SMURF1: variants seen among roughly 807,000 people sequenced by gnomAD.
The protein encoded by SMURF1 is E3 ubiquitin-protein ligase SMURF1.
Under a neutral mutation model 98.0 loss-of-function variants are expected in SMURF1, and 44 were observed. That is an observed-to-expected ratio of 0.45 (90% confidence interval 0.35 to 0.58). The LOEUF (loss-of-function observed/expected upper bound fraction) is 0.58. SMURF1 is among the 20% of genes least tolerant of loss of function. The pLI, the probability that SMURF1 is intolerant of heterozygous loss-of-function variation, is 0.00. For missense variants in SMURF1, 687 were observed against 938.4 expected, an observed-to-expected ratio of 0.73 and a Z score of 3.50; for synonymous variants, 396 against 374.9, an observed-to-expected ratio of 1.06 and a Z score of -0.65.
rs1794755121 is a variant in SMURF1 at position 99,028,055 on chromosome 7, G to T, written c.*2529C>A. On this transcript the variant is annotated 3_prime_UTR_variant, in exon 18 of 18. Transcript: ENST00000361368. Reference sequence around the variant, plus strand: ...CTACATCCCTGAGTGTCGGCTGACGGCCGCTGGTGAGGGCAAGCCTGAAAA... The same window carrying T: ...CTACATCCCTGAGTGTCGGCTGACGTCCGCTGGTGAGGGCAAGCCTGAAAA... The T allele has an allele frequency of 6.5e-6, 1 of 152,706 alleles. No individual in the cohort carries two copies. Among genetic ancestry groups the T allele is most frequent in the Non-Finnish European group, 1.5e-5 (1 of 68,136 alleles). The allele number at this position is 152,706 out of a possible 1,614,324, so 9.5% of individuals were successfully genotyped here. A position where few individuals can be genotyped will look rare whatever the true frequency, so the allele number is the denominator to read the frequency against.
intron 1 of SMURF1, among the ~76,000 whole-genome samples, chr7:99,142,301 A>T (rs559362640): frequency 1.3e-5 from 2 of 152,188 alleles, no homozygotes; most frequent in Non-Finnish European, 2.9e-5. Flanking sequence ...AGTAGGGATC[A>T]GAGCCTCACG....
intron 1 of SMURF1, among the ~76,000 whole-genome samples, chr7:99,109,524 G>GC (rs1413166537): frequency 5.3e-5 from 8 of 152,200 alleles, no homozygotes; most frequent in African/African-American, 2.4e-5. Flanking sequence ...CCCCACAGGA[G>GC]CCCTGCACCA....
intron 3 of SMURF1, among the ~76,000 whole-genome samples, chr7:99,058,423 C>G (rs1795938649): frequency 6.6e-6 from 1 of 152,162 alleles, no homozygotes; most frequent in African/African-American, 2.4e-5. Flanking sequence ...AGCCACTGCA[C>G]CCAGCAAATT....
At chr7:99,032,953 A>T (rs1194672797) in intron 17 of SMURF1, 84 bp downstream of exon 17, 10 of 1,477,062 alleles carry the variant, frequency 6.8e-6, no homozygotes, top group Non-Finnish European at 9.3e-6. Context: ...CTCCATCTCA[A>T]AAAAAAACAA....
At chr7:99,128,740 TC>T (rs1341316423) in intron 1 of SMURF1, among the ~76,000 whole-genome samples, 3 of 152,216 alleles carry the variant, frequency 2.0e-5, no homozygotes, top group Admixed American at 2.0e-4. Flanking sequence ...TGCCAATAGT[TC>T]GTGCTACTCT....
chr7:99,038,501 C>T lies in SMURF1; in HGVS notation c.1575G>A (p.Leu525=). 6.2e-7 allele frequency: 1 copy of T among 1,614,208 alleles called. No homozygotes were observed. Among genetic ancestry groups the T allele is most frequent in the South Asian group, 1.1e-5 (1 of 91,084 alleles). ...TGTGTTCCACGCAGAAGGTGTGGTC[C>T]AGTACAGGCGTGATGTCGTTCTCTC... ...WILENDITPV[L]DHTFCVEHNA... is the part of the protein sequence containing the mutation. Residue 525 remains leucine (L), a synonymous_variant, in exon 14 of 18, where the codon CTG becomes CTA. Transcript: ENST00000361368.
chr7:99,030,040 T>C lies in SMURF1; in HGVS notation c.*544A>G, dbSNP rs1368383359. On this transcript the variant is annotated 3_prime_UTR_variant, in exon 18 of 18. Transcript: ENST00000361368. ...AGAATTCCAATAAGCATACATTATA[T>C]AGTTATTTTCCAGTTGGAAATTGAT... The C allele has an allele frequency of 6.5e-6, 1 of 153,508 alleles. No individual in the cohort carries two copies. Among genetic ancestry groups the C allele is most frequent in the East Asian group, 1.9e-4 (1 of 5,226 alleles). The allele number at this position is 153,508 out of a possible 1,614,324, so 9.5% of individuals were successfully genotyped here. A position where few individuals can be genotyped will look rare whatever the true frequency, so the allele number is the denominator to read the frequency against.
chr7:99,122,848 T>A (rs1797671716), intron 1 of SMURF1, among the ~76,000 whole-genome samples: 1 of 150,754 alleles, frequency 6.6e-6, no homozygotes, highest in African/African-American at 2.4e-5. Flanking sequence ...GTTCAAAATA[T>A]CTCGAAGATC....
At chr7:99,060,378 C>T (rs1020543603) in intron 3 of SMURF1, among the ~76,000 whole-genome samples, 1 of 92,500 alleles carries the variant, frequency 1.1e-5, no homozygotes, top group Non-Finnish European at 2.1e-5. Context: ...GACTCCGTCT[C>T]AAAAAAAAAA....
chr7:99,034,150 T>G (rs1270392156), intron 16 of SMURF1, among the ~76,000 whole-genome samples: 1 of 152,128 alleles, frequency 6.6e-6, no homozygotes, highest in African/African-American at 2.4e-5. Flanking sequence ...CCCAGCCTCC[T>G]GGGGAGTCAG....
chr7:99,059,206 C>A (rs1305605914), intron 3 of SMURF1, among the ~76,000 whole-genome samples: 1 of 150,180 alleles, frequency 6.7e-6, no homozygotes, highest in African/African-American at 2.4e-5. Context: ...GAGACCATCC[C>A]GGCTAAAACG....
At chr7:99,033,546 T>A (rs1251947353) in intron 16 of SMURF1, among the ~76,000 whole-genome samples, 1 of 152,148 alleles carries the variant, frequency 6.6e-6, no homozygotes, top group Non-Finnish European at 1.5e-5. Flanking sequence ...TCACCTCAGG[T>A]GATCCACCTG....
chr7:99,139,303 T>C (rs780565702), intron 1 of SMURF1, among the ~76,000 whole-genome samples: 2 of 152,194 alleles, frequency 1.3e-5, no homozygotes, highest in African/African-American at 2.4e-5. Context: ...TATTTCCACA[T>C]GCTATCAAGG....
intron 5 of SMURF1, 63 bp from the exon 6 acceptor site, chr7:99,054,928 G>T: frequency 1.4e-6 from 2 of 1,403,390 alleles, no homozygotes; most frequent in African/African-American, 1.4e-5. Context: ...ATAATACAGT[G>T]AGTCATTGCT....
In SMURF1 at chr7:99,073,694, G is replaced by T. The variant is rs901851904; in HGVS notation, c.56-11857C>A. 1.3e-5 allele frequency among the ~76,000 whole-genome samples: 2 copies of T among 151,588 alleles called. 1 individual carries two copies. The highest frequency in any genetic ancestry group is 4.2e-4 in the South Asian group (2 of 4,806). On this transcript the variant is annotated intron_variant, in intron 1 of 17. Coordinates refer to ENST00000361368, the MANE Select transcript of SMURF1 (RefSeq NM_181349.3). The stretch of plus-strand genomic sequence containing the variant: ...GGCAGGACAATCGCTTGAACCCAGG[G>T]GGCTGAGGTTGCACTGAGCCAAAAT...
chr7:99,036,975 C>G (rs1035126991), intron 15 of SMURF1, 92 bp downstream of exon 15: 2 of 1,578,022 alleles, frequency 1.3e-6, no homozygotes, highest in African/African-American at 2.7e-5. Flanking sequence ...TACTAGAAAG[C>G]GGCACACACT....
At chr7:99,143,550 C>G (rs1798191736) in intron 1 of SMURF1, among the ~76,000 whole-genome samples, 176 bp downstream of exon 1, 1 of 47,050 alleles carries the variant, frequency 2.1e-5, no homozygotes, top group Non-Finnish European at 4.1e-5. Flanking sequence ...CGGGGCCGGG[C>G]AACGGCGAGG....
chr7:99,052,583 G>T, intron 6 of SMURF1, 137 bp from the exon 7 acceptor site: 1 of 959,802 alleles, frequency 1.0e-6, no homozygotes, highest in Non-Finnish European at 1.4e-6. Flanking sequence ...TGTTCCAAGG[G>T]CCTAGTTTTG....
chr7:99,082,577 C>G (rs939965640), intron 1 of SMURF1, among the ~76,000 whole-genome samples: 1 of 152,204 alleles, frequency 6.6e-6, no homozygotes, highest in Non-Finnish European at 1.5e-5. Flanking sequence ...ACCTCTATAT[C>G]TACGCTACTG....
Sources: allele counts gnomAD v4.1 joint callset (sites outside exome capture counted in the v4.1 genomes callset), GRCh38; gene constraint gnomAD v4.1.1; transcripts MANE v1.5; gene names NCBI Gene and HGNC (gene_info 2026-07-23, HGNC 2026-07-21).